The following LRRC4B variants were observed in gnomAD, a reference collection of about 807,000 sequenced individuals.
LRRC4B encodes leucine rich repeat containing 4B, also known as leucine-rich repeat-containing protein 4B.
A neutral mutation model predicts 7.3 loss-of-function variants in LRRC4B; 1 was observed. That is an observed-to-expected ratio of 0.14 (90% CI 0.05 to 0.65). The LOEUF (loss-of-function observed/expected upper bound fraction) is 0.65. Ranked by LOEUF, LRRC4B falls within the 30% of genes least tolerant of loss-of-function variation. The pLI is 0.84. For synonymous variants in LRRC4B, 500 were observed against 499.2 expected (o/e 1.00, Z -0.02); for missense variants, 730 against 1,041.6 (o/e 0.70, Z 4.12).
At chr19:50,560,786 T>G (rs1399766995) in intron 1 of LRRC4B, among the ~76,000 whole-genome samples, 1 of 152,150 alleles carries the variant, frequency 6.6e-6, no homozygotes, top group African/African-American at 2.4e-5. Flanking sequence ...ACAGCTACAT[T>G]AAAAGTTATC....
Position 50,518,891 on chromosome 19 carries a change from G to A in LRRC4B, c.822C>T (p.Asp274=). 6.8e-6 allele frequency: 11 copies of A among 1,614,092 alleles called. No homozygotes were observed. The highest frequency in any genetic ancestry group is 9.3e-6 in the Non-Finnish European group (11 of 1,179,992). ...QVATIERNAF[D]DLKSLEELNL... is the part of the protein sequence containing the mutation. ...TGAGCTCCTCCAGCGACTTGAGGTC[G>A]TCGAAGGCGTTGCGCTCGATGGTGG... The change falls in exon 3 of 3, where the codon GAC becomes GAT. Residue 274 remains aspartate, a synonymous_variant. Transcript: ENST00000652263.
intron 2 of LRRC4B, among the ~76,000 whole-genome samples, chr19:50,532,032 G>T (rs1367359245): frequency 6.6e-6 from 1 of 152,138 alleles, no homozygotes; most frequent in African/African-American, 2.4e-5. Flanking sequence ...AGACCAGCCT[G>T]TCCAACATGG....
chr19:50,547,538 G>C (rs1981866194), intron 2 of LRRC4B, among the ~76,000 whole-genome samples: 1 of 151,714 alleles, frequency 6.6e-6, no homozygotes, highest in Non-Finnish European at 1.5e-5. Context: ...TGGAACAGGA[G>C]GAGGCTTGCT....
intron 2 of LRRC4B, among the ~76,000 whole-genome samples, chr19:50,523,619 CG>C (rs1440382545): frequency 8.3e-5 from 12 of 145,418 alleles, no homozygotes; most frequent in East Asian, 4.1e-4. Context: ...GCCGAGATCG[CG>C]CCACTGCACT....
At chr19:50,565,417 CCT>C (rs1024266525) in intron 1 of LRRC4B, among the ~76,000 whole-genome samples, 2 of 152,164 alleles carry the variant, frequency 1.3e-5, no homozygotes, top group African/African-American at 4.8e-5. Context: ...GGGACTGCTC[CCT>C]GTCTCTCCTG....
At chr19:50,567,049 G>C (rs2892238) in intron 1 of LRRC4B, among the ~76,000 whole-genome samples, 121,738 of 150,222 alleles carry the variant, frequency 0.81, 50,183 homozygotes, top group Non-Finnish European at 0.85. Flanking sequence ...GTTAGAGAAG[G>C]CTGAGGAGCA....
At chr19:50,532,924 T>C (rs1042915293) in intron 2 of LRRC4B, among the ~76,000 whole-genome samples, 3 of 152,184 alleles carry the variant, frequency 2.0e-5, no homozygotes, top group African/African-American at 7.2e-5. Context: ...CATGTCAAAA[T>C]CATGTTGACA....
chr19:50,558,294 G>C (rs1982350808), intron 1 of LRRC4B, among the ~76,000 whole-genome samples: 1 of 151,972 alleles, frequency 6.6e-6, no homozygotes, highest in Non-Finnish European at 1.5e-5. Flanking sequence ...GCAGTGGCGT[G>C]ATCTCAGCTC....
intron 1 of LRRC4B, among the ~76,000 whole-genome samples, chr19:50,566,450 C>A (rs945972875): frequency 1.3e-5 from 2 of 151,572 alleles, no homozygotes; most frequent in Non-Finnish European, 2.9e-5. Flanking sequence ...CAGGGGAATT[C>A]CCCACCCCGA....
At chr19:50,542,445 G>A (rs921743764) in intron 2 of LRRC4B, among the ~76,000 whole-genome samples, 46 of 152,172 alleles carry the variant, frequency 3.0e-4, no homozygotes, top group African/African-American at 1.1e-3. Flanking sequence ...GGTGGGGCCG[G>A]GGCAGGGCCT....
intron 2 of LRRC4B, among the ~76,000 whole-genome samples, chr19:50,544,101 G>C (rs1486658127): frequency 2.0e-5 from 3 of 152,124 alleles, no homozygotes; most frequent in Non-Finnish European, 1.5e-5. Context: ...CAGCTACTTG[G>C]GAGGCTGAGG....
At chr19:50,562,117 CAAAAA>C (rs11333930) in intron 1 of LRRC4B, among the ~76,000 whole-genome samples, 3 of 130,354 alleles carry the variant, frequency 2.3e-5, no homozygotes, top group African/African-American at 8.3e-5. Context: ...GACCCTGTCT[CAAAAA>C]AAAAAAAAAA....
rs1982171920 is a variant in LRRC4B, at chr19:50,553,518, TCCACAGGGCTCTTGC to T, written c.-35-4660_-35-4646del. Among the ~76,000 whole-genome samples, 1 of 152,230 alleles carries T rather than the reference TCCACAGGGCTCTTGC, an allele frequency of 6.6e-6. No homozygotes were observed. The highest frequency in any genetic ancestry group is 1.5e-5 in the Non-Finnish European group (1 of 68,038). ...TTCCTGGAATGCTCTTTGCCGGTTG[TCCACAGGGCTCTTGC>T]CCTGCTCTCTATCAGGTCCGTGCTC... is the stretch of plus-strand genomic sequence containing the variant. On this transcript the variant is annotated intron_variant, in intron 1 of 2. Coordinates refer to ENST00000652263, the MANE Select transcript of LRRC4B (RefSeq NM_001080457.2). This position sits in a 1 kb window ranked among gnomAD's most constrained non-coding sequence, Gnocchi z 4.2.
intron 2 of LRRC4B, among the ~76,000 whole-genome samples, chr19:50,523,618 G>A (rs1479957256): frequency 4.0e-5 from 6 of 148,968 alleles, no homozygotes; most frequent in Non-Finnish European, 5.9e-5. Flanking sequence ...AGCCGAGATC[G>A]CGCCACTGCA....
intron 1 of LRRC4B, among the ~76,000 whole-genome samples, chr19:50,560,841 C>A (rs1240569613): frequency 6.6e-6 from 1 of 152,218 alleles, no homozygotes; most frequent in Non-Finnish European, 1.5e-5. Context: ...GTAATCCCAG[C>A]ACTTTGGGAG....
rs1982166410 is a variant in LRRC4B at position 50,553,386 on chromosome 19, G to C, written c.-35-4513C>G. Among the ~76,000 whole-genome samples, 1 of 152,158 alleles carries C rather than the reference G, an allele frequency of 6.6e-6. No individual in the cohort carries two copies. The highest frequency in any genetic ancestry group is 6.5e-5 in the Admixed American group (1 of 15,274). ...TTTCAGGTCTCCACTCTCCACCCCA[G>C]CTCCTCCTCTGACCTCATCGCTTCC... On this transcript the variant is annotated intron_variant, in intron 1 of 2. Transcript: ENST00000652263. This position sits in a 1 kb window ranked among gnomAD's most constrained non-coding sequence, Gnocchi z 4.2.
chr19:50,542,480 T>TC (rs1234881963), intron 2 of LRRC4B, among the ~76,000 whole-genome samples: 1 of 148,404 alleles, frequency 6.7e-6, no homozygotes, highest in South Asian at 2.2e-4. Context: ...TTTTTTTTTT[T>TC]TTTTTTTTTT....
intron 2 of LRRC4B, among the ~76,000 whole-genome samples, chr19:50,530,741 G>GT (rs888709081): frequency 1.2e-3 from 171 of 143,648 alleles, no homozygotes; most frequent in Middle Eastern, 7.0e-3. Flanking sequence ...CTCCTTTTTT[G>GT]TTTTTTTTTT....
Position 50,517,736 on chromosome 19 carries a change from G to A in LRRC4B, c.1977C>T (p.His659=). Residue 659 remains histidine (H), a synonymous_variant, in exon 3 of 3, where the codon CAC becomes CAT. Transcript: ENST00000652263. The surrounding 1 kb of genome is among the most constrained non-coding windows in gnomAD (Gnocchi z 6.6). ...HLALPALERD[H]LNHHHYVAAA... ...CAGCCACGTAGTGGTGGTGGTTGAG[G>A]TGGTCTCGCTCCAGGGCGGGCAGGG... The A allele has an allele frequency of 3.9e-6, 6 of 1,547,318 alleles. No homozygotes were observed. Among genetic ancestry groups the A allele is most frequent in the South Asian group, 1.2e-5 (1 of 82,554 alleles).
Sources: allele counts gnomAD v4.1 joint callset (sites outside exome capture counted in the v4.1 genomes callset), GRCh38; gene constraint gnomAD v4.1.1; non-coding constraint Gnocchi (gnomAD v3.1); transcripts MANE v1.5; gene names NCBI Gene and HGNC (gene_info 2026-07-23, HGNC 2026-07-21).